CNBD1: variants seen among roughly 807,000 people sequenced by gnomAD.
CNBD1 encodes cyclic nucleotide binding domain containing 1, also known as cyclic nucleotide-binding domain-containing protein 1.
Under a neutral mutation model 54.4 loss-of-function variants are expected in CNBD1, and 71 were observed. The ratio of observed to expected loss-of-function variants is 1.30; its 90% CI spans 1.08 to 1.59. The LOEUF (loss-of-function observed/expected upper bound fraction) is 1.59. Ranked by LOEUF, CNBD1 falls within the 40% of genes most tolerant of loss-of-function variation. CNBD1 has a pLI of 0.00. For synonymous variants in CNBD1, 182 were observed against 170.7 expected, an observed-to-expected ratio of 1.07 and a Z score of -0.51; for missense variants, 659 against 518.0, an observed-to-expected ratio of 1.27 and a Z score of -2.64.
At chr8:87,198,258 G>A (rs549932218) in intron 4 of CNBD1, among the ~76,000 whole-genome samples, 5 of 152,270 alleles carry the variant, frequency 3.3e-5, no homozygotes, top group East Asian at 1.9e-4. Flanking sequence ...GAGACAGCTG[G>A]TGAGGAACTC....
chr8:87,216,273 A>T (rs1814209581), intron 5 of CNBD1, among the ~76,000 whole-genome samples: 1 of 152,206 alleles, frequency 6.6e-6, no homozygotes, highest in African/African-American at 2.4e-5. Context: ...TTAAAAATCC[A>T]CTAGAAATGG....
At chr8:87,333,404 A>G (rs183226634) in intron 8 of CNBD1, among the ~76,000 whole-genome samples, 191 of 152,226 alleles carry the variant, frequency 1.3e-3, no homozygotes, top group Non-Finnish European at 2.2e-3. Context: ...AGAACTTCCA[A>G]TACTATGTTG....
chr8:87,413,881 G>A (rs1807791873), intron 2 of CNBD1, among the ~76,000 whole-genome samples: 1 of 150,982 alleles, frequency 6.6e-6, no homozygotes, highest in Admixed American at 6.6e-5. Context: ...AACAGGTGCT[G>A]GAGAGGATGT....
chr8:87,311,523 T>A (rs1302347786), intron 8 of CNBD1, among the ~76,000 whole-genome samples: 3 of 152,112 alleles, frequency 2.0e-5, no homozygotes, highest in African/African-American at 7.2e-5. Context: ...GTTTAGCCAC[T>A]GTGGAAAGCA....
At chr8:87,404,548 A>G (rs1807621847) in intron 2 of CNBD1, among the ~76,000 whole-genome samples, 2 of 152,094 alleles carry the variant, frequency 1.3e-5, no homozygotes, top group Admixed American at 1.3e-4. Context: ...CCTTGAATTA[A>G]TTAATACAAC....
chr8:87,157,280 C>T lies in CNBD1; in HGVS notation c.432-48713C>T, dbSNP rs1812761411. On this transcript the variant is annotated intron_variant, in intron 4 of 10. Transcript: ENST00000518476. ...CTGGCTAATTTATAAGATTTTGTGTCTGTGTGTTCCTTCTGAAAACAGTAG... is the reference window on the plus strand; with the variant it reads ...CTGGCTAATTTATAAGATTTTGTGTTTGTGTGTTCCTTCTGAAAACAGTAG... Among the ~76,000 whole-genome samples, 4 of 152,228 alleles carry T rather than the reference C, an allele frequency of 2.6e-5. No homozygotes were observed. In the South Asian group the frequency reaches 8.3e-4, roughly 32 times the overall value.
chr8:87,304,746 A>T (rs7819277), intron 8 of CNBD1, among the ~76,000 whole-genome samples: 58,458 of 151,946 alleles, frequency 0.38, 11,521 homozygotes, highest in Middle Eastern at 0.45. Context: ...AATGTCGGCA[A>T]ACAAGGGACA....
At chr8:87,313,104 G>T (rs1809303763) in intron 8 of CNBD1, among the ~76,000 whole-genome samples, 1 of 151,930 alleles carries the variant, frequency 6.6e-6, no homozygotes, top group Admixed American at 6.6e-5. Context: ...GATGGGCAAG[G>T]ATTTTTACTA....
At position 87,281,416 on chromosome 8, in the gene CNBD1, C is replaced by T. The variant is rs568935306; in HGVS notation, c.772-3262C>T. On this transcript the variant is annotated intron_variant, in intron 6 of 10. Transcript: ENST00000518476. ...GCTTGCACATCTTCCTCTGAATTGA[C>T]GCTGGCATTTAAACAACTACATACA... is the stretch of plus-strand genomic sequence containing the variant. 5.5e-3 allele frequency among the ~76,000 whole-genome samples: 834 copies of T among 150,996 alleles called. 7 individuals are homozygous for T. The highest frequency in any genetic ancestry group is 0.019 in the African/African-American group (789 of 41,360).
At chr8:86,901,187 G>A (rs1436136063) in intron 2 of CNBD1, among the ~76,000 whole-genome samples, 1 of 152,024 alleles carries the variant, frequency 6.6e-6, no homozygotes, top group Non-Finnish European at 1.5e-5. Flanking sequence ...GTTTATATAT[G>A]CAATATGCAT....
At chr8:87,294,214 T>C (rs755460054) in intron 8 of CNBD1, among the ~76,000 whole-genome samples, 5 of 152,160 alleles carry the variant, frequency 3.3e-5, no homozygotes, top group Admixed American at 1.3e-4. Flanking sequence ...ACAGTAATAA[T>C]GGAAATAAAT....
intron 2 of CNBD1, among the ~76,000 whole-genome samples, chr8:87,413,472 G>C (rs1807781678): frequency 6.6e-6 from 1 of 151,986 alleles, no homozygotes. Flanking sequence ...TAATTGGTGA[G>C]CCTAAAGAGC....
intron 4 of CNBD1, among the ~76,000 whole-genome samples, chr8:87,011,738 T>C (rs1468225205): frequency 2.0e-5 from 3 of 152,162 alleles, no homozygotes; most frequent in Admixed American, 6.5e-5. Flanking sequence ...TAAGATTAGA[T>C]ATTGTCAGTT....
At chr8:86,999,877 G>A (rs1011979692) in intron 4 of CNBD1, among the ~76,000 whole-genome samples, 1 of 152,150 alleles carries the variant, frequency 6.6e-6, no homozygotes, top group African/African-American at 2.4e-5. Context: ...TGGCCCATGG[G>A]GCAGAACCAG....
At chr8:87,352,289 GCCAA>G (rs1438627807) in intron 9 of CNBD1, among the ~76,000 whole-genome samples, 2 of 151,992 alleles carry the variant, frequency 1.3e-5, no homozygotes, top group East Asian at 3.9e-4. Flanking sequence ...GACCATCCTG[GCCAA>G]CATGGCAAAA....
At chr8:87,006,139 A>G (rs1020861697) in intron 4 of CNBD1, among the ~76,000 whole-genome samples, 3 of 152,198 alleles carry the variant, frequency 2.0e-5, no homozygotes, top group African/African-American at 7.2e-5. Context: ...AAGATGGAGC[A>G]AGCATCTCTT....
intron 4 of CNBD1, among the ~76,000 whole-genome samples, chr8:87,097,046 C>T (rs1446471386): frequency 6.6e-6 from 1 of 151,960 alleles, no homozygotes; most frequent in Non-Finnish European, 1.5e-5. Context: ...TTCCAGAGTA[C>T]TACTTGAGCC....
chr8:87,191,966 T>G (rs1813618817), intron 4 of CNBD1, among the ~76,000 whole-genome samples: 3 of 152,190 alleles, frequency 2.0e-5, no homozygotes, highest in Admixed American at 1.3e-4. Flanking sequence ...TTCTAAAAAT[T>G]TATATAACAT....
chr8:87,261,764 C>G (rs945105009), intron 6 of CNBD1, among the ~76,000 whole-genome samples: 1 of 152,072 alleles, frequency 6.6e-6, no homozygotes, highest in African/African-American at 2.4e-5. Context: ...GGTTACAATT[C>G]ATCCACAGGG....
Sources: gnomAD v4.1 joint callset for allele counts (sites outside exome capture counted in the v4.1 genomes callset) on GRCh38, gnomAD v4.1.1 for gene constraint, MANE v1.5 for transcripts, NCBI Gene and HGNC (gene_info 2026-07-23, HGNC 2026-07-21) for gene names.